The following SLFN12L variants were observed in gnomAD, a reference collection of about 807,000 sequenced individuals.
SLFN12L encodes schlafen family member 12 like, also known as schlafen family member 12-like.
Under a neutral mutation model 34.8 loss-of-function variants are expected in SLFN12L, and 34 were observed. The ratio of observed to expected loss-of-function variants is 0.98; its 90% CI spans 0.74 to 1.30. The LOEUF (loss-of-function observed/expected upper bound fraction) is 1.30, where lower values mean the gene tolerates loss of function less well. Among genes scored for constraint, SLFN12L ranks in the 50% most tolerant of loss-of-function variants. SLFN12L has a pLI of 0.00. For missense variants in SLFN12L, 703 were observed against 696.2 expected (o/e 1.01, Z -0.11); for synonymous variants, 259 against 247.5 (o/e 1.05, Z -0.44).
At chr17:35,536,709 G>C (rs2072464693) in intron 1 of SLFN12L, among the ~76,000 whole-genome samples, 1 of 151,832 alleles carries the variant, frequency 6.6e-6, no homozygotes, top group African/African-American at 2.4e-5. Context: ...TCGAGAGTCT[G>C]AGACGGGAGG....
intron 2 of SLFN12L, among the ~76,000 whole-genome samples, chr17:35,500,981 CG>C (rs1356475126): frequency 4.6e-5 from 7 of 152,186 alleles, no homozygotes; most frequent in African/African-American, 1.7e-4. Context: ...TTTTTGGAGA[CG>C]TGAGTCTGCC....
At chr17:35,515,291 G>A (rs926416699) in intron 2 of SLFN12L, 6 of 380,446 alleles carry the variant, frequency 1.6e-5, no homozygotes, top group Non-Finnish European at 2.5e-5. Flanking sequence ...ACGCCGGCGG[G>A]ACAGGCACTT....
intron 1 of SLFN12L, among the ~76,000 whole-genome samples, chr17:35,526,938 T>G (rs1333022165): frequency 6.8e-6 from 1 of 148,092 alleles, no homozygotes; most frequent in Non-Finnish European, 1.5e-5. Flanking sequence ...TTTGAAAAGA[T>G]CCACAAGATA....
chr17:35,479,609 C>T lies in SLFN12L; in HGVS notation c.673G>A (p.Asp225Asn), dbSNP rs1914214556. ...EESNMEALAA[D>N]FFNRTELGYK... ...CCAAGTTCTGTTCTGTTAAAAAAATCAGCAGCCAAGGCTTCCATGTTACTT... is the reference window on the plus strand; with the variant it reads ...CCAAGTTCTGTTCTGTTAAAAAAATTAGCAGCCAAGGCTTCCATGTTACTT... The change falls in exon 3 of 5, where the codon GAT becomes AAT. Residue 225 changes from aspartate to asparagine, a missense_variant. By Grantham distance (23) the Asp-to-Asn change is conservative. Transcript: ENST00000628453. 1 of 1,611,856 alleles carries T rather than the reference C, an allele frequency of 6.2e-7. No homozygotes were observed. Among genetic ancestry groups the T allele is most frequent in the Non-Finnish European group, 8.5e-7 (1 of 1,179,064 alleles).
chr17:35,505,502 T>C (rs1177902993), intron 2 of SLFN12L, among the ~76,000 whole-genome samples: 1 of 152,236 alleles, frequency 6.6e-6, no homozygotes, highest in Non-Finnish European at 1.5e-5. Context: ...GAATACATCA[T>C]TGGCTAACAA....
chr17:35,472,631 C>T lies in SLFN12L; in HGVS notation c.*2292G>A, dbSNP rs1913824986. Among the ~76,000 whole-genome samples, 1 of 152,152 alleles carries T rather than the reference C, an allele frequency of 6.6e-6. No individual in the cohort carries two copies. The highest frequency in any genetic ancestry group is 2.4e-5 in the African/African-American group (1 of 41,422). On this transcript the variant is annotated 3_prime_UTR_variant, in exon 5 of 5. Transcript: ENST00000628453. ...AGCTATACAAGGTCTTCTTTGATTC[C>T]ATATGAAATTTAATTTCATTTAATT...
chr17:35,493,221 G>A (rs947139544), intron 2 of SLFN12L, among the ~76,000 whole-genome samples: 2 of 152,180 alleles, frequency 1.3e-5, no homozygotes, highest in Non-Finnish European at 2.9e-5. Context: ...ATGTCAGTGT[G>A]GTCCTAGAGG....
chr17:35,505,023 C>T (rs1336431751), intron 2 of SLFN12L, among the ~76,000 whole-genome samples: 2 of 152,120 alleles, frequency 1.3e-5, no homozygotes, highest in African/African-American at 4.8e-5. Context: ...ATGGGTCTTT[C>T]AACTCTCACG....
rs780006981 is a variant in SLFN12L, at chr17:35,479,327, A to G, written c.955T>C (p.Cys319Arg). 80 of 1,587,532 alleles carry G rather than the reference A, an allele frequency of 5.0e-5. 3 individuals carry two copies. The South Asian group carries it at 8.6e-4, about 17-fold the overall frequency. Reference protein sequence around the residue: ...SIGKLPVHHFCVEKGTINYLC... With the variant: ...SIGKLPVHHFRVEKGTINYLC... Reference sequence around the variant, plus strand: ...TAATTTATCGTCCCCTTCTCCACACAGAAGTGATGCACAGGCAGTTTCCCA... The same window carrying G: ...TAATTTATCGTCCCCTTCTCCACACGGAAGTGATGCACAGGCAGTTTCCCA... Residue 319 changes from cysteine (C) to arginine (R), a missense_variant, in exon 3 of 5, where the codon TGT becomes CGT. Transcript: ENST00000628453.
chr17:35,481,220 C>T (rs1914323770), intron 2 of SLFN12L, among the ~76,000 whole-genome samples: 1 of 152,186 alleles, frequency 6.6e-6, no homozygotes, highest in Non-Finnish European at 1.5e-5. Context: ...GGGGAAGGCA[C>T]CTGTTACTTA....
At position 35,464,428 on chromosome 17, in the gene SLFN12L, C is replaced by T. The variant is rs1488361083; in HGVS notation, c.*10495G>A. 2.7e-5 allele frequency: 4 copies of T among 149,868 alleles called. No homozygotes were observed. Among genetic ancestry groups the T allele is most frequent in the African/African-American group, 7.4e-5 (3 of 40,522 alleles). The allele number at this position is 149,868 out of a possible 1,614,324, so 9.3% of individuals were successfully genotyped here. Reference sequence around the variant, plus strand: ...CTCCTCTCCCTCCTCCCACCCTCCCCCCCTCAAATAGACCCCAGTGTCTGC... The same window carrying T: ...CTCCTCTCCCTCCTCCCACCCTCCCTCCCTCAAATAGACCCCAGTGTCTGC... On this transcript the variant is annotated 3_prime_UTR_variant, in exon 5 of 5. Coordinates refer to ENST00000628453, the MANE Select transcript of SLFN12L (RefSeq NM_001363830.2).
intron 2 of SLFN12L, among the ~76,000 whole-genome samples, chr17:35,506,296 A>C (rs143157111): frequency 7.1e-4 from 108 of 152,338 alleles, no homozygotes; most frequent in African/African-American, 2.5e-3. Flanking sequence ...GCTGTATGGC[A>C]GAAAATAAGT....
intron 1 of SLFN12L, among the ~76,000 whole-genome samples, chr17:35,530,441 GAAGAAAGAAAGAAAGA>G (rs1289016983): frequency 8.3e-4 from 14 of 16,878 alleles, no homozygotes; most frequent in Non-Finnish European, 2.7e-3. Context: ...GAAGGGAAGG[GAAGAAAGAAAGAAAGA>G]AAGAAAGAAA....
At chr17:35,510,323 T>C (rs1459979002) in intron 2 of SLFN12L, 1 of 152,168 alleles carries the variant, frequency 6.6e-6, no homozygotes, top group Non-Finnish European at 1.5e-5. Context: ...GGAAGCATTA[T>C]CCACAACAGC....
intron 4 of SLFN12L, among the ~76,000 whole-genome samples, chr17:35,477,104 G>C (rs1233351308): frequency 6.6e-6 from 1 of 152,120 alleles, no homozygotes; most frequent in African/African-American, 2.4e-5. Flanking sequence ...AAATCATCAG[G>C]GGTTTGGTGG....
chr17:35,513,605 G>C (rs59474125), intron 2 of SLFN12L, among the ~76,000 whole-genome samples: 1,918 of 152,274 alleles, frequency 0.013, 46 homozygotes, highest in African/African-American at 0.044. Flanking sequence ...AACTGAGTCT[G>C]TGACTGCAGA....
At chr17:35,521,214 A>G (rs1915985729) in intron 2 of SLFN12L, among the ~76,000 whole-genome samples, 1 of 152,156 alleles carries the variant, frequency 6.6e-6, no homozygotes. Flanking sequence ...CATAACTACT[A>G]AATGTCATAT....
intron 2 of SLFN12L, among the ~76,000 whole-genome samples, chr17:35,496,128 C>T (rs1426184706): frequency 6.6e-6 from 1 of 151,944 alleles, no homozygotes; most frequent in Non-Finnish European, 1.5e-5. Flanking sequence ...AGGACGTGAC[C>T]AGTTACCAGG....
intron 1 of SLFN12L, among the ~76,000 whole-genome samples, chr17:35,530,600 T>C (rs921160053): frequency 2.0e-5 from 3 of 151,848 alleles, no homozygotes; most frequent in African/African-American, 7.3e-5. Context: ...TACATTCTTA[T>C]GTAGATAGTG....
Sources: allele counts gnomAD v4.1 joint callset (sites outside exome capture counted in the v4.1 genomes callset), GRCh38; gene constraint gnomAD v4.1.1; transcripts MANE v1.5; gene names NCBI Gene and HGNC (gene_info 2026-07-23, HGNC 2026-07-21).